Variants in THADA observed in about 807,000 individuals in gnomAD.
The protein encoded by THADA is tRNA (32-2'-O)-methyltransferase regulator THADA.
In THADA, 213 loss-of-function variants were observed where a neutral mutation model predicts 219.8. That is an observed-to-expected ratio of 0.97 (90% CI 0.87 to 1.09). THADA has a LOEUF of 1.09. THADA is among the 50% of genes least tolerant of loss of function. The pLI is 0.00. For missense variants in THADA, 2,956 were observed against 2,311.3 expected (o/e 1.28, Z -5.72); for synonymous variants, 1,018 against 828.9 (o/e 1.23, Z -3.92).
chr2:43,292,732 G>T (rs1674880634), intron 32 of THADA, 102 bp downstream of exon 32: 7 of 1,429,556 alleles, frequency 4.9e-6, no homozygotes, highest in Non-Finnish European at 6.6e-6. Context: ...ATTGCCCCTG[G>T]AGAGCCTAAA....
intron 26 of THADA, chr2:43,430,523 A>G (rs1355607137): frequency 1.9e-6 from 1 of 529,690 alleles, no homozygotes; most frequent in Non-Finnish European, 3.5e-6. Flanking sequence ...CTCAAAATTT[A>G]AGATTATGTA....
In THADA at chr2:43,320,427, G is replaced by T; in HGVS notation, c.4438+19C>A. The stretch of plus-strand genomic sequence containing the variant: ...AGATGTGTAACGATTCCAAAATACA[G>T]TATAACTATGAATCATACCTGGCTG... On this transcript the variant is annotated intron_variant, in intron 31 of 37. Coordinates refer to ENST00000405975, the MANE Select transcript of THADA (RefSeq NM_022065.5). 1 of 1,590,558 alleles carries T rather than the reference G, an allele frequency of 6.3e-7. No individual in the cohort carries two copies. The highest frequency in any genetic ancestry group is 8.6e-7 in the Non-Finnish European group (1 of 1,162,510).
At chr2:43,472,395 T>C (rs1685005412) in intron 26 of THADA, among the ~76,000 whole-genome samples, 1 of 152,232 alleles carries the variant, frequency 6.6e-6, no homozygotes, top group Admixed American at 6.5e-5. Context: ...ACTACACTTT[T>C]GCAACAATTA....
intron 29 of THADA, among the ~76,000 whole-genome samples, chr2:43,355,549 T>C (rs1402141086): frequency 6.6e-6 from 1 of 152,240 alleles, no homozygotes; most frequent in Admixed American, 6.5e-5. Context: ...ACTGACCTTC[T>C]GGTGTGACAG....
intron 26 of THADA, among the ~76,000 whole-genome samples, chr2:43,460,312 G>A (rs917834999): frequency 6.6e-6 from 1 of 150,864 alleles, no homozygotes; most frequent in Non-Finnish European, 1.5e-5. Context: ...ACTTCCACAT[G>A]GGTCAGCCAG....
intron 19 of THADA, 23 bp from the exon 20 acceptor site, chr2:43,549,391 C>G: frequency 6.3e-7 from 1 of 1,587,520 alleles, no homozygotes; most frequent in Non-Finnish European, 8.6e-7. Flanking sequence ...AATGAGCGTA[C>G]ATGAAACCCA....
At chr2:43,420,403 T>C (rs1677553538) in intron 28 of THADA, among the ~76,000 whole-genome samples, 1 of 152,232 alleles carries the variant, frequency 6.6e-6, no homozygotes, top group African/African-American at 2.4e-5. Context: ...ACAATGAATG[T>C]TTAACAAATA....
At chr2:43,255,955 A>C (rs1670264622) in intron 36 of THADA, among the ~76,000 whole-genome samples, 1 of 152,182 alleles carries the variant, frequency 6.6e-6, no homozygotes, top group Non-Finnish European at 1.5e-5. Flanking sequence ...GGTCAAGAAG[A>C]CACCTCAGCT....
At chr2:43,575,202 A>G (rs1183518903) in intron 10 of THADA, among the ~76,000 whole-genome samples, 175 bp from the exon 11 acceptor site, 3 of 152,254 alleles carry the variant, frequency 2.0e-5, no homozygotes, top group African/African-American at 7.2e-5. Context: ...TCAAATTTGT[A>G]TATGATTCTT....
rs537997452 is a variant in THADA, at chr2:43,585,468, A to G, written c.533+933T>C. 5.3e-5 allele frequency among the ~76,000 whole-genome samples: 8 copies of G among 152,074 alleles called. No homozygotes were observed. The South Asian group carries it at 1.7e-3, about 32-fold the overall frequency. Reference sequence around the variant, plus strand: ...AGGGAGGTAGAGGTGCAGTGAGCCAAGATTGTACCACTGTACTCAAGCCTG... The same window carrying G: ...AGGGAGGTAGAGGTGCAGTGAGCCAGGATTGTACCACTGTACTCAAGCCTG... On this transcript the variant is annotated intron_variant, in intron 7 of 37. Coordinates refer to ENST00000405975, the MANE Select transcript of THADA (RefSeq NM_022065.5).
chr2:43,527,826 T>C lies in THADA; in HGVS notation c.3374+53A>G, dbSNP rs1693352727. On this transcript the variant is annotated intron_variant, in intron 22 of 37. Coordinates refer to ENST00000405975, the MANE Select transcript of THADA (RefSeq NM_022065.5). ...ACAACTAAATTCTACTCCAAGCATA[T>C]GCTTTGTATATTTAGTCTTTTTAAA... 6 of 1,274,996 alleles carry C rather than the reference T, an allele frequency of 4.7e-6. No individual in the cohort carries two copies. In the South Asian group the frequency reaches 7.6e-5, roughly 16 times the overall value. 79.0% of individuals were successfully genotyped at this position (1,274,996 alleles called of 1,614,324 possible).
chr2:43,432,817 G>C (rs1229796130), intron 26 of THADA, among the ~76,000 whole-genome samples: 1 of 152,086 alleles, frequency 6.6e-6, no homozygotes, highest in African/African-American at 2.4e-5. Context: ...TCATTATTAT[G>C]ACCCTTTGTG....
intron 30 of THADA, among the ~76,000 whole-genome samples, chr2:43,327,875 G>A (rs746164587): frequency 6.6e-6 from 1 of 152,166 alleles, no homozygotes; most frequent in Non-Finnish European, 1.5e-5. Flanking sequence ...CTGAACCCAG[G>A]ATATTTTGTT....
intron 36 of THADA, among the ~76,000 whole-genome samples, chr2:43,251,815 T>A (rs1320620805): frequency 6.6e-6 from 1 of 152,236 alleles, no homozygotes; most frequent in East Asian, 1.9e-4. Context: ...TGTGTCCCCA[T>A]GTTCAGGGAA....
At chr2:43,560,522 T>C (rs1697934871) in intron 15 of THADA, 137 bp from the exon 16 acceptor site, 1 of 490,218 alleles carries the variant, frequency 2.0e-6, no homozygotes, top group African/African-American at 2.0e-5. Context: ...GCTAAAACAG[T>C]AACTTTTCCA....
intron 28 of THADA, among the ~76,000 whole-genome samples, chr2:43,413,048 G>T (rs1676488438): frequency 6.6e-6 from 1 of 152,058 alleles, no homozygotes; most frequent in South Asian, 2.1e-4. Context: ...CTGAGTTAAG[G>T]GCATTTGGGG....
intron 26 of THADA, among the ~76,000 whole-genome samples, chr2:43,466,221 G>A (rs1410080758): frequency 2.0e-5 from 3 of 152,176 alleles, no homozygotes; most frequent in Admixed American, 6.5e-5. Context: ...TAAATGAGTA[G>A]TCAATGCTAC....
Position 43,552,281 on chromosome 2 carries a change from C to T in THADA, c.2733G>A (p.Leu911=). The change falls in exon 18 of 38, where the codon CTG becomes CTA. Residue 911 remains leucine, a synonymous_variant. Transcript: ENST00000405975. The part of the protein sequence containing the change: ...EEEVSQAENS[L]LQAAAAFPMY... ...TTGGAAATGCTGCTGCTGCCTGAAGCAGAGAATTTTCAGCCTGAGATACTT... is the reference window on the plus strand; with the variant it reads ...TTGGAAATGCTGCTGCTGCCTGAAGTAGAGAATTTTCAGCCTGAGATACTT... 1 of 1,610,796 alleles carries T rather than the reference C, an allele frequency of 6.2e-7. No individual in the cohort carries two copies. The highest frequency in any genetic ancestry group is 1.3e-5 in the African/African-American group (1 of 74,902).
At chr2:43,436,295 G>C (rs1211456544) in intron 26 of THADA, among the ~76,000 whole-genome samples, 2 of 152,168 alleles carry the variant, frequency 1.3e-5, no homozygotes, top group African/African-American at 4.8e-5. Context: ...GACTATCTCA[G>C]ACCCCGGGAG....
Sources: allele counts gnomAD v4.1 joint callset (sites outside exome capture counted in the v4.1 genomes callset), GRCh38; gene constraint gnomAD v4.1.1; transcripts MANE v1.5; gene names NCBI Gene and HGNC (gene_info 2026-07-23, HGNC 2026-07-21).